The following CD1B variants were observed in gnomAD, a reference collection of about 807,000 sequenced individuals.
CD1B encodes the protein CD1b molecule.
Under a neutral mutation model 39.8 loss-of-function variants are expected in CD1B, and 43 were observed. The ratio of observed to expected loss-of-function variants is 1.08; its 90% CI spans 0.85 to 1.39. The LOEUF is 1.39. CD1B is among the 40% of genes most tolerant of loss of function. The pLI is 0.00. For missense variants in CD1B, 495 were observed against 403.8 expected, an observed-to-expected ratio of 1.23 and a Z score of -1.94; for synonymous variants, 192 against 152.5, an observed-to-expected ratio of 1.26 and a Z score of -1.91.
the CD1B span, among the ~76,000 whole-genome samples, chr1:158,318,802 C>A: frequency 6.6e-6 from 1 of 151,978 alleles, no homozygotes; most frequent in Admixed American, 6.6e-5. Context: ...CAGCTTGTAC[C>A]GGTTGTTCCT....
At chr1:158,320,592 G>T in the CD1B span, among the ~76,000 whole-genome samples, 8 of 152,140 alleles carry the variant, frequency 5.3e-5, no homozygotes, top group African/African-American at 1.7e-4. Flanking sequence ...CGGTACCTCA[G>T]ATGGAAATGC....
the CD1B span, among the ~76,000 whole-genome samples, chr1:158,316,590 A>C: frequency 2.6e-5 from 4 of 151,824 alleles, no homozygotes; most frequent in Admixed American, 2.6e-4. Flanking sequence ...ATATACAATC[A>C]TGTCGTCTGC....
the CD1B span, among the ~76,000 whole-genome samples, chr1:158,301,276 T>A: frequency 6.6e-5 from 10 of 152,298 alleles, no homozygotes; most frequent in South Asian, 1.9e-3. Context: ...AATTGTCATA[T>A]TTAGCTCATT....
chr1:158,306,776 T>A, the CD1B span, among the ~76,000 whole-genome samples: 180 of 152,212 alleles, frequency 1.2e-3, no homozygotes, highest in Non-Finnish European at 1.6e-3. Flanking sequence ...ATAAAGAAAT[T>A]CACTCAAAGC....
chr1:158,317,670 T>A, the CD1B span, among the ~76,000 whole-genome samples: 551 of 152,314 alleles, frequency 3.6e-3, 2 homozygotes, highest in African/African-American at 0.013. Flanking sequence ...CCTTCAGTTC[T>A]GCTCTGATTT....
the CD1B span, among the ~76,000 whole-genome samples, chr1:158,288,841 C>A: frequency 2.6e-5 from 4 of 152,240 alleles, no homozygotes; most frequent in African/African-American, 9.6e-5. Context: ...GCCAGGGTCA[C>A]TGATAAGTCA....
the CD1B span, among the ~76,000 whole-genome samples, chr1:158,309,713 CA>C: frequency 2.6e-5 from 4 of 151,730 alleles, no homozygotes; most frequent in Admixed American, 2.6e-4. Flanking sequence ...CCACCTTTCT[CA>C]GCAAACTATT....
chr1:158,325,557 G>T (rs186270716), downstream of CD1B, among the ~76,000 whole-genome samples: 1 of 152,172 alleles, frequency 6.6e-6, no homozygotes, highest in Non-Finnish European at 1.5e-5. Flanking sequence ...TAATTGTAGA[G>T]AAGTTTATAA....
the CD1B span, among the ~76,000 whole-genome samples, chr1:158,306,559 T>G: frequency 6.6e-6 from 1 of 152,270 alleles, no homozygotes; most frequent in Admixed American, 6.5e-5. Context: ...GGAACTGAAC[T>G]CAGCTCTGCA....
the CD1B span, chr1:158,292,148 C>G: frequency 6.2e-7 from 1 of 1,614,060 alleles, no homozygotes; most frequent in African/African-American, 1.3e-5. Flanking sequence ...CAGAAGGCTT[C>G]TTTCAGGTAG....
chr1:158,316,406 T>C, the CD1B span, among the ~76,000 whole-genome samples: 1 of 151,784 alleles, frequency 6.6e-6, no homozygotes, highest in African/African-American at 2.4e-5. Context: ...GGTATTTTAT[T>C]CTCTTTAAAG....
rs1652488694 is a variant in CD1B, at chr1:158,329,365, C to T, written c.886+5G>A. On this transcript the variant is annotated splice_donor_5th_base_variant and intron_variant, in intron 4 of 5. Coordinates refer to ENST00000368168, the MANE Select transcript of CD1B (RefSeq NM_001764.3). ...TTTCCAGCCTGGGTCCCTGCTATTT[C>T]TTACTCCAGTAGAGGATGATGTCCT... 6.2e-7 allele frequency: 1 copy of T among 1,608,864 alleles called. No individual in the cohort carries two copies. Among genetic ancestry groups the T allele is most frequent in the African/African-American group, 1.3e-5 (1 of 74,830 alleles).
the CD1B span, among the ~76,000 whole-genome samples, chr1:158,305,839 T>C: frequency 4.6e-5 from 7 of 152,212 alleles, no homozygotes; most frequent in South Asian, 1.0e-3. Flanking sequence ...CTAAGCTTCA[T>C]AAGTGAAGGA....
chr1:158,328,054 T>C lies in CD1B; in HGVS notation c.*182A>G. On this transcript the variant is annotated 3_prime_UTR_variant, in exon 6 of 6. Transcript: ENST00000368168. ...TCACACTGTTAGTACAGTCTCATAA[T>C]AAATTTACAGTTTTAAGTACTTTTT... 2 of 574,054 alleles carry C rather than the reference T, an allele frequency of 3.5e-6. No homozygotes were observed. Among genetic ancestry groups the C allele is most frequent in the Non-Finnish European group, 6.2e-6 (2 of 323,176 alleles). The allele number at this position is 574,054 out of a possible 1,614,324, so 35.6% of individuals were successfully genotyped here. A position where few individuals can be genotyped will look rare whatever the true frequency, so the allele number is the denominator to read the frequency against.
At chr1:158,308,551 G>T in the CD1B span, among the ~76,000 whole-genome samples, 2 of 152,130 alleles carry the variant, frequency 1.3e-5, no homozygotes, top group Non-Finnish European at 2.9e-5. Context: ...GAATAAAGCT[G>T]GAGGCATCAC....
At chr1:158,327,828 C>T (rs1652415013), downstream of CD1B, 1 of 160,210 alleles carries the variant, frequency 6.2e-6, no homozygotes, top group Non-Finnish European at 1.4e-5. Context: ...ATCCAAAAGG[C>T]TCTGCATCTC....
At chr1:158,323,610 CT>C (rs1182357956), downstream of CD1B, among the ~76,000 whole-genome samples, 2 of 152,146 alleles carry the variant, frequency 1.3e-5, no homozygotes, top group Non-Finnish European at 2.9e-5. Flanking sequence ...CACAGTCTGG[CT>C]TTGTTTGTGC....
the CD1B span, chr1:158,292,414 C>G: frequency 3.1e-5 from 49 of 1,565,630 alleles, no homozygotes; most frequent in Non-Finnish European, 4.2e-5. Flanking sequence ...TCAAGTACTG[C>G]CCCTTCTGTT....
chr1:158,306,095 T>C, the CD1B span, among the ~76,000 whole-genome samples: 3,035 of 152,274 alleles, frequency 0.02, 125 homozygotes, highest in Admixed American at 0.1. Context: ...TAACTTTAAA[T>C]GTAAATGGGC....
Sources: gnomAD v4.1 joint callset for allele counts (sites outside exome capture counted in the v4.1 genomes callset) on GRCh38, gnomAD v4.1.1 for gene constraint, MANE v1.5 for transcripts, NCBI Gene and HGNC (gene_info 2026-07-23, HGNC 2026-07-21) for gene names.